SNX29: variants seen among roughly 807,000 people sequenced by gnomAD.
The protein encoded by SNX29 is sorting nexin-29.
Under a neutral mutation model 102.1 loss-of-function variants are expected in SNX29, and 78 were observed. The observed-to-expected ratio is 0.76, with a 90% CI of 0.64 to 0.92. The LOEUF is 0.92. SNX29 is among the 40% of genes least tolerant of loss of function. The pLI is 0.00. For synonymous variants in SNX29, 580 were observed against 414.5 expected, an observed-to-expected ratio of 1.40 and a Z score of -4.85; for missense variants, 1,280 against 1,061.7, an observed-to-expected ratio of 1.21 and a Z score of -2.86.
chr16:12,530,677 TTCTGAGTAGCTGGAATTACAAG>T (rs760847880), intron 20 of SNX29, among the ~76,000 whole-genome samples: 5 of 152,104 alleles, frequency 3.3e-5, no homozygotes, highest in Non-Finnish European at 7.4e-5. Context: ...TGCCTCAGCT[TTCTGAGTAGCTGGAATTACAAG>T]TGGCCGCTAC....
chr16:12,499,582 A>C (rs2089005458), intron 19 of SNX29, among the ~76,000 whole-genome samples: 1 of 152,206 alleles, frequency 6.6e-6, no homozygotes, highest in South Asian at 2.1e-4. Flanking sequence ...GATCTGAATC[A>C]CTGGGGGTTA....
At chr16:12,564,747 G>A (rs1396871176) in intron 20 of SNX29, among the ~76,000 whole-genome samples, 7 of 151,912 alleles carry the variant, frequency 4.6e-5, no homozygotes, top group Admixed American at 3.3e-4. Flanking sequence ...CCTAACAACT[G>A]TCTGCTTCTT....
intron 16 of SNX29, among the ~76,000 whole-genome samples, chr16:12,359,801 C>G (rs146886798): frequency 6.6e-6 from 1 of 152,216 alleles, no homozygotes; most frequent in East Asian, 1.9e-4. Context: ...ATTCACAATA[C>G]CATTATCACA....
intron 14 of SNX29, among the ~76,000 whole-genome samples, chr16:12,271,878 C>T (rs1265122269): frequency 6.6e-6 from 1 of 152,290 alleles, no homozygotes; most frequent in South Asian, 2.1e-4. Context: ...CTGCCTTAGC[C>T]TCCCGAAGTG....
intron 15 of SNX29, among the ~76,000 whole-genome samples, chr16:12,289,568 C>A (rs1215095498): frequency 1.3e-5 from 2 of 152,172 alleles, no homozygotes; most frequent in African/African-American, 4.8e-5. Flanking sequence ...TGTTTCGCTT[C>A]CATTTCTGCT....
Position 12,013,500 on chromosome 16 carries a change from AATAT to A in SNX29, c.122+10496_122+10499del, listed in dbSNP as rs66491414. 2.7e-3 allele frequency among the ~76,000 whole-genome samples: 86 copies of A among 31,582 alleles called. 2 individuals are homozygous for A. The highest frequency in any genetic ancestry group is 5.7e-3 in the South Asian group (4 of 702). The allele number at this position is 31,582 out of a possible 152,430, so 20.7% of individuals were successfully genotyped here. ...GTCTCTACTGGGGGAAAAAAAAAAA[AATAT>A]ATATATATATATATATATATATATA... On this transcript the variant is annotated intron_variant, in intron 3 of 20. Transcript: ENST00000566228.
intron 6 of SNX29, among the ~76,000 whole-genome samples, chr16:12,047,603 G>T (rs906530985): frequency 1.1e-4 from 16 of 150,346 alleles, no homozygotes; most frequent in Admixed American, 9.3e-4. Context: ...CCATCTTACA[G>T]ATAAGGTGAC....
At chr16:12,152,146 G>A (rs902040611) in intron 13 of SNX29, among the ~76,000 whole-genome samples, 3 of 152,040 alleles carry the variant, frequency 2.0e-5, no homozygotes, top group South Asian at 2.1e-4. Flanking sequence ...GCTTGGGCCC[G>A]CGAGGTGAAG....
chr16:12,406,067 A>G (rs1012466225), intron 18 of SNX29, among the ~76,000 whole-genome samples: 1 of 152,188 alleles, frequency 6.6e-6, no homozygotes, highest in Admixed American at 6.5e-5. Context: ...TTAATTCCAC[A>G]AAAGATTTGA....
chr16:12,563,272 G>A (rs1489543445), intron 20 of SNX29, among the ~76,000 whole-genome samples: 5 of 152,116 alleles, frequency 3.3e-5, no homozygotes, highest in Non-Finnish European at 5.9e-5. Context: ...GCAGAGGAAC[G>A]TCGGGTTCTG....
chr16:12,013,447 A>G (rs1306536179), intron 3 of SNX29, among the ~76,000 whole-genome samples: 1 of 129,878 alleles, frequency 7.7e-6, no homozygotes, highest in African/African-American at 2.9e-5. Context: ...GGAGTTCGAG[A>G]CCAGCCTGGC....
At chr16:12,345,011 T>A (rs1474312320) in intron 15 of SNX29, among the ~76,000 whole-genome samples, 1 of 152,254 alleles carries the variant, frequency 6.6e-6, no homozygotes, top group Admixed American at 6.5e-5. Flanking sequence ...AACCACCTCA[T>A]ATGCTACGTT....
intron 11 of SNX29, among the ~76,000 whole-genome samples, chr16:12,107,533 T>C (rs570723217): frequency 6.6e-6 from 1 of 152,010 alleles, no homozygotes; most frequent in South Asian, 2.1e-4. Flanking sequence ...CCAGGCATGG[T>C]GACTGAGGCA....
intron 3 of SNX29, among the ~76,000 whole-genome samples, chr16:12,023,438 C>A (rs1270307819): frequency 3.4e-5 from 5 of 147,530 alleles, no homozygotes; most frequent in Non-Finnish European, 7.4e-5. Context: ...AGTAGCTGCG[C>A]ATGGTAGTGC....
At chr16:12,471,618 C>T (rs535325177) in intron 18 of SNX29, among the ~76,000 whole-genome samples, 47 of 152,332 alleles carry the variant, frequency 3.1e-4, no homozygotes, top group South Asian at 6.2e-4. Flanking sequence ...GCCCCATCTA[C>T]GGCCTGGCTT....
rs1197166556 is a variant in SNX29 at position 12,570,471 on chromosome 16, C to T, written c.*1842C>T. ...GACTGAGGCAGGAAACGTCTAAAAGCTCAATCTGCTGTATGTCATGACCCC... is the reference window on the plus strand; with the variant it reads ...GACTGAGGCAGGAAACGTCTAAAAGTTCAATCTGCTGTATGTCATGACCCC... On this transcript the variant is annotated 3_prime_UTR_variant, in exon 21 of 21. Coordinates refer to ENST00000566228, the MANE Select transcript of SNX29 (RefSeq NM_032167.5). 2.6e-5 allele frequency: 6 copies of T among 234,334 alleles called. No individual in the cohort carries two copies. The highest frequency in any genetic ancestry group is 3.4e-5 in the Non-Finnish European group (4 of 119,256). 14.5% of individuals were successfully genotyped at this position (234,334 alleles called of 1,614,324 possible). A position where few individuals can be genotyped will look rare whatever the true frequency, so the allele number is the denominator to read the frequency against.
At chr16:11,995,400 T>C (rs1381819762) in intron 1 of SNX29, among the ~76,000 whole-genome samples, 1 of 152,076 alleles carries the variant, frequency 6.6e-6, no homozygotes, top group African/African-American at 2.4e-5. Flanking sequence ...CAGGGCTAAG[T>C]TGGCCACAGC....
At chr16:12,551,843 G>A (rs966265392) in intron 20 of SNX29, among the ~76,000 whole-genome samples, 6 of 152,128 alleles carry the variant, frequency 3.9e-5, no homozygotes, top group African/African-American at 1.4e-4. Context: ...AGCTGCTGCT[G>A]GGGACACAGG....
At chr16:12,549,196 C>T (rs888723654) in intron 20 of SNX29, among the ~76,000 whole-genome samples, 1 of 152,254 alleles carries the variant, frequency 6.6e-6, no homozygotes, top group Admixed American at 6.5e-5. Flanking sequence ...GCTAGGCACC[C>T]CTCACGATGC....
Sources: allele counts gnomAD v4.1 joint callset (sites outside exome capture counted in the v4.1 genomes callset), GRCh38; gene constraint gnomAD v4.1.1; transcripts MANE v1.5; gene names NCBI Gene and HGNC (gene_info 2026-07-23, HGNC 2026-07-21).